The following LARGE1 variants were observed in gnomAD, a reference collection of about 807,000 sequenced individuals.
The protein encoded by LARGE1 is LARGE xylosyl- and glucuronyltransferase 1.
LARGE1 carries 43 observed loss-of-function variants against 87.6 expected under a neutral mutation model. The ratio of observed to expected loss-of-function variants is 0.49; its 90% CI spans 0.38 to 0.63. The LOEUF (loss-of-function observed/expected upper bound fraction) is 0.63, where lower values mean the gene tolerates loss of function less well. LARGE1 is among the 30% of genes least tolerant of loss of function. LARGE1 has a pLI of 0.00. For synonymous variants in LARGE1, 434 were observed against 394.6 expected (o/e 1.10, Z -1.18); for missense variants, 802 against 1,000.2 (o/e 0.80, Z 2.67).
chr22:33,102,137 A>T, the LARGE1 span, among the ~76,000 whole-genome samples: 1 of 144,774 alleles, frequency 6.9e-6, no homozygotes, highest in Non-Finnish European at 1.5e-5. Context: ...TCCAGTCCTG[A>T]TGTTCACGGG....
At chr22:33,753,662 A>G (rs1035009118) in intron 2 of LARGE1, among the ~76,000 whole-genome samples, 2 of 152,210 alleles carry the variant, frequency 1.3e-5, no homozygotes, top group Non-Finnish European at 2.9e-5. Flanking sequence ...GCCTCTTGCC[A>G]TGACCTCTTA....
intron 2 of LARGE1, chr22:33,704,810 T>C (rs2082513132): frequency 6.6e-6 from 1 of 152,306 alleles, no homozygotes. Flanking sequence ...GCCAAAGGAA[T>C]CACTTAGGTG....
At chr22:33,917,450 G>A (rs945568523) in intron 1 of LARGE1, among the ~76,000 whole-genome samples, 9 of 152,194 alleles carry the variant, frequency 5.9e-5, no homozygotes, top group East Asian at 1.9e-4. Flanking sequence ...CAACTACACC[G>A]TCAAATGTTA....
Position 33,719,497 on chromosome 22 carries a change from ATATT to A in LARGE1, c.106+41870_106+41873del, listed in dbSNP as rs56236034. 9.2e-4 allele frequency among the ~76,000 whole-genome samples: 133 copies of A among 145,194 alleles called. 1 individual carries two copies. Among genetic ancestry groups the A allele is most frequent in the East Asian group, 4.3e-3 (21 of 4,902 alleles). ...CCTATACAGGTATGCCATCTATACC[ATATT>A]TATTTATTTATTTATTTATTTATTT... On this transcript the variant is annotated intron_variant, in intron 2 of 14. Transcript: ENST00000397394.
At chr22:33,668,405 G>C (rs1038147758) in intron 2 of LARGE1, among the ~76,000 whole-genome samples, 13 of 152,136 alleles carry the variant, frequency 8.5e-5, no homozygotes, top group African/African-American at 2.9e-4. Context: ...TGATACTGTC[G>C]AATAAATGAG....
At chr22:33,317,742 C>T (rs891583744) in intron 10 of LARGE1, among the ~76,000 whole-genome samples, 12 of 152,126 alleles carry the variant, frequency 7.9e-5, no homozygotes, top group African/African-American at 2.7e-4. Context: ...AGATGAAGAA[C>T]TGAAATTAAA....
At position 33,727,115 on chromosome 22, in the gene LARGE1, G is replaced by C. The variant is rs150567496; in HGVS notation, c.106+34256C>G. On this transcript the variant is annotated intron_variant, in intron 2 of 14. Coordinates refer to ENST00000397394, the MANE Select transcript of LARGE1 (RefSeq NM_133642.5). ...TCAAGGTGACAGGGGGAAGCCAGGA[G>C]GAGCTGGAAGACAGTTATGGATGGG... Among the ~76,000 whole-genome samples the C allele has an allele frequency of 4.4e-4, 67 of 152,324 alleles. 1 individual carries two copies. The highest frequency in any genetic ancestry group is 1.5e-3 in the African/African-American group (61 of 41,578).
intron 1 of LARGE1, among the ~76,000 whole-genome samples, chr22:33,777,580 CTGCAGTGAGCCA>C (rs1276591521): frequency 6.9e-6 from 1 of 145,956 alleles, no homozygotes; most frequent in Admixed American, 6.9e-5. Context: ...GAGGTCAAGG[CTGCAGTGAGCCA>C]TGATGGTACC....
intron 1 of LARGE1, among the ~76,000 whole-genome samples, chr22:33,879,454 A>G (rs1411793843): frequency 6.6e-6 from 1 of 152,170 alleles, no homozygotes; most frequent in Non-Finnish European, 1.5e-5. Context: ...TGCTTTGTCC[A>G]CAGCCACCCA....
chr22:33,640,504 G>A (rs187339279), intron 3 of LARGE1, among the ~76,000 whole-genome samples: 30 of 152,168 alleles, frequency 2.0e-4, no homozygotes, highest in African/African-American at 6.7e-4. Flanking sequence ...AAGTCAACAT[G>A]GCAGTTCAGG....
chr22:33,307,824 A>T (rs1006893794), intron 11 of LARGE1, among the ~76,000 whole-genome samples: 6 of 150,806 alleles, frequency 4.0e-5, no homozygotes, highest in African/African-American at 1.5e-4. Flanking sequence ...GGCTGGAGGC[A>T]GTGGTGCGAT....
At chr22:33,678,034 G>C (rs1440589607) in intron 2 of LARGE1, among the ~76,000 whole-genome samples, 1 of 152,148 alleles carries the variant, frequency 6.6e-6, no homozygotes, top group African/African-American at 2.4e-5. Context: ...AAAACCAGCA[G>C]ACAGATCAGA....
intron 1 of LARGE1, among the ~76,000 whole-genome samples, chr22:33,918,508 T>C (rs1467618915): frequency 1.3e-5 from 2 of 152,240 alleles, no homozygotes; most frequent in Non-Finnish European, 2.9e-5. Context: ...TTCACTAAAG[T>C]ACTCTTGAAC....
At chr22:33,890,187 T>C (rs1286390261) in intron 1 of LARGE1, among the ~76,000 whole-genome samples, 2 of 152,240 alleles carry the variant, frequency 1.3e-5, no homozygotes, top group African/African-American at 4.8e-5. Context: ...CGCATAATTC[T>C]GGTGTTCAAA....
chr22:33,438,426 T>C lies in LARGE1; in HGVS notation c.788-6161A>G, dbSNP rs113187110. ...TAAGTGCGCTGTTCTCCATCTTCCT[T>C]AGTCTAGGCACAAGTTAACTTATGA... On this transcript the variant is annotated intron_variant, in intron 6 of 14. Transcript: ENST00000397394. 1.2e-3 allele frequency among the ~76,000 whole-genome samples: 180 copies of C among 152,292 alleles called. 2 individuals carry two copies. The highest frequency in any genetic ancestry group is 1.5e-3 in the Non-Finnish European group (100 of 68,026).
In LARGE1 at chr22:33,276,395, A is replaced by G. The variant is rs369693563; in HGVS notation, c.2073+665T>C. ...CCACACCCATTTGTTTAAAGACTGTAAGACTGAACTACAATAGCAGAGTTA... is the reference window on the plus strand; with the variant it reads ...CCACACCCATTTGTTTAAAGACTGTGAGACTGAACTACAATAGCAGAGTTA... On this transcript the variant is annotated intron_variant, in intron 14 of 14. Coordinates refer to ENST00000397394, the MANE Select transcript of LARGE1 (RefSeq NM_133642.5). 8.1e-4 allele frequency among the ~76,000 whole-genome samples: 123 copies of G among 152,334 alleles called. 1 individual carries two copies. Among genetic ancestry groups the G allele is most frequent in the African/African-American group, 2.8e-3 (116 of 41,568 alleles).
intron 2 of LARGE1, among the ~76,000 whole-genome samples, chr22:33,666,953 C>G (rs991512994): frequency 6.6e-6 from 1 of 152,206 alleles, no homozygotes; most frequent in Non-Finnish European, 1.5e-5. Flanking sequence ...ATGTGCTTCT[C>G]CACGCTAATC....
chr22:33,255,256 C>G (rs748557965), intron 11 of LARGE1, among the ~76,000 whole-genome samples: 9 of 152,150 alleles, frequency 5.9e-5, no homozygotes, highest in Non-Finnish European at 1.2e-4. Context: ...AAACTTCTAT[C>G]TTAGTTGAGT....
At chr22:33,521,517 T>C (rs2071593548) in intron 6 of LARGE1, among the ~76,000 whole-genome samples, 1 of 152,186 alleles carries the variant, frequency 6.6e-6, no homozygotes, top group Admixed American at 6.5e-5. Flanking sequence ...CAAGTACTTT[T>C]CAGGTCTCTG....
Sources: gnomAD v4.1 joint callset for allele counts (sites outside exome capture counted in the v4.1 genomes callset) on GRCh38, gnomAD v4.1.1 for gene constraint, MANE v1.5 for transcripts, NCBI Gene and HGNC (gene_info 2026-07-23, HGNC 2026-07-21) for gene names.